Variants in FBLN7 observed in about 807,000 individuals in gnomAD.
FBLN7 encodes fibulin-7.
In FBLN7, 31 loss-of-function variants were observed where a neutral mutation model predicts 44.0. The observed-to-expected ratio is 0.70, with a 90% confidence interval of 0.53 to 0.95. The LOEUF is 0.95. Ranked by LOEUF, FBLN7 falls within the 40% of genes least tolerant of loss-of-function variation. The pLI is 0.00. For missense variants in FBLN7, 573 were observed against 618.5 expected, an observed-to-expected ratio of 0.93 and a Z score of 0.78; for synonymous variants, 262 against 253.4, an observed-to-expected ratio of 1.03 and a Z score of -0.32.
the FBLN7 span, among the ~76,000 whole-genome samples, chr2:112,230,537 C>T: frequency 6.6e-6 from 1 of 152,210 alleles, no homozygotes; most frequent in Admixed American, 6.5e-5. Context: ...CATGCATCTA[C>T]ACGAATGAAT....
rs146083639 is a variant in FBLN7, at chr2:112,165,022, C to A, written c.257C>A (p.Thr86Asn). 4.5e-4 allele frequency: 730 copies of A among 1,614,132 alleles called. 3 individuals carry two copies. Among genetic ancestry groups the A allele is most frequent in the Middle Eastern group, 3.3e-4 (2 of 6,060 alleles). The change falls in exon 3 of 8, where the codon ACC (threonine) becomes AAC (asparagine). Residue 86 changes from threonine to asparagine, a missense_variant. By Grantham distance (65) the Thr-to-Asn change is moderately conservative. Coordinates refer to ENST00000331203, the MANE Select transcript of FBLN7 (RefSeq NM_153214.3). ...ACAGTTTCCTGCCCGGCTCTGAACA[C>A]CCCCGCAGACGGCAGAAAGTTTGGA... ...ALPVSCPALN[T>N]PADGRKFGSK...
chr2:112,236,330 G>A, the FBLN7 span, among the ~76,000 whole-genome samples: 1 of 152,136 alleles, frequency 6.6e-6, no homozygotes, highest in African/African-American at 2.4e-5. Flanking sequence ...CAGTGAGAAC[G>A]CTAAGGCTTA....
intron 3 of FBLN7, among the ~76,000 whole-genome samples, chr2:112,171,373 T>A (rs1174543528): frequency 6.6e-6 from 1 of 151,932 alleles, no homozygotes; most frequent in Non-Finnish European, 1.5e-5. Flanking sequence ...AGAGGCAGAC[T>A]TCGGGGAGGC....
At position 112,160,846 on chromosome 2, in the gene FBLN7, G is replaced by GCA. The variant is rs1386081512; in HGVS notation, c.235+1012_235+1013insAC. Reference sequence around the variant, plus strand: ...CAAGCACGCATACACGCACGCACACGCGCACACACACACACACACACTCAG... The same window carrying GCA: ...CAAGCACGCATACACGCACGCACACGCACGCACACACACACACACACACTCAG... On this transcript the variant is annotated intron_variant, in intron 2 of 7. Transcript: ENST00000331203. 2.9e-4 allele frequency among the ~76,000 whole-genome samples: 31 copies of GCA among 105,366 alleles called. 1 individual carries two copies. The highest frequency in any genetic ancestry group is 1.2e-3 in the African/African-American group (31 of 25,618). The allele number at this position is 105,366 out of a possible 152,430, so 69.1% of individuals were successfully genotyped here. A position where few individuals can be genotyped will look rare whatever the true frequency, so the allele number is the denominator to read the frequency against.
chr2:112,243,905 A>T, the FBLN7 span, among the ~76,000 whole-genome samples: 1 of 152,114 alleles, frequency 6.6e-6, no homozygotes, highest in African/African-American at 2.4e-5. Context: ...GATATTAAAA[A>T]ATATATTCAA....
At chr2:112,217,627 T>TA in the FBLN7 span, among the ~76,000 whole-genome samples, 4 of 152,230 alleles carry the variant, frequency 2.6e-5, no homozygotes, top group African/African-American at 9.6e-5. Flanking sequence ...AGAGTGTTTT[T>TA]AAAAAGTTAC....
At chr2:112,197,268 CACACACAGAGAGAGAGAG>C in the FBLN7 span, among the ~76,000 whole-genome samples, 1 of 128,808 alleles carries the variant, frequency 7.8e-6, no homozygotes, top group African/African-American at 3.1e-5. Flanking sequence ...CACACACACA[CACACACAGAGAGAGAGAG>C]AGAGAGAGAG....
the FBLN7 span, among the ~76,000 whole-genome samples, chr2:112,241,375 C>T: frequency 6.6e-6 from 1 of 152,070 alleles, no homozygotes; most frequent in African/African-American, 2.4e-5. Context: ...GGGAGCAACC[C>T]CTACTAGAAA....
the FBLN7 span, among the ~76,000 whole-genome samples, chr2:112,197,270 CACACAGAGAGAG>C: frequency 0.013 from 1,696 of 126,128 alleles, 9 homozygotes; most frequent in Non-Finnish European, 0.019. Context: ...CACACACACA[CACACAGAGAGAG>C]AGAGAGAGAG....
At chr2:112,235,161 G>A in the FBLN7 span, among the ~76,000 whole-genome samples, 4 of 152,130 alleles carry the variant, frequency 2.6e-5, no homozygotes, top group East Asian at 5.8e-4. Context: ...CCAAATTTTT[G>A]CATACAGTTT....
chr2:112,194,380 T>G, the FBLN7 span, among the ~76,000 whole-genome samples: 3 of 152,184 alleles, frequency 2.0e-5, no homozygotes, highest in Non-Finnish European at 2.9e-5. Context: ...AGTGACCCAT[T>G]TGAGTCTGAC....
the FBLN7 span, among the ~76,000 whole-genome samples, chr2:112,194,882 C>T: frequency 2.6e-5 from 4 of 152,170 alleles, no homozygotes; most frequent in African/African-American, 9.7e-5. Flanking sequence ...GAAGTAAGAT[C>T]TCCACATCTG....
At chr2:112,141,578 C>G (rs1451119692) in intron 1 of FBLN7, among the ~76,000 whole-genome samples, 2 of 152,202 alleles carry the variant, frequency 1.3e-5, no homozygotes, top group Non-Finnish European at 2.9e-5. Context: ...CTAAACCCAC[C>G]CAACAGAGCA....
the FBLN7 span, among the ~76,000 whole-genome samples, chr2:112,198,642 AGAAAG>A: frequency 3.2e-3 from 157 of 49,272 alleles, 1 homozygote; most frequent in South Asian, 0.012. Context: ...TCAAAAAAAA[AGAAAG>A]AAAGAAAGAA....
At chr2:112,197,291 A>G in the FBLN7 span, among the ~76,000 whole-genome samples, 3 of 148,416 alleles carry the variant, frequency 2.0e-5, no homozygotes, top group African/African-American at 7.8e-5. Context: ...AGAGAGAGAG[A>G]GAGAGAGAGA....
At chr2:112,157,708 C>A (rs1159726122) in intron 1 of FBLN7, among the ~76,000 whole-genome samples, 1 of 152,204 alleles carries the variant, frequency 6.6e-6, no homozygotes, top group African/African-American at 2.4e-5. Flanking sequence ...ACTGCAGCCT[C>A]AACCTCCCAG....
rs565793622 is a variant in FBLN7, at chr2:112,138,443, C to T, written c.-213C>T. On this transcript the variant is annotated 5_prime_UTR_variant, in exon 1 of 8. Coordinates refer to ENST00000331203, the MANE Select transcript of FBLN7 (RefSeq NM_153214.3). ...GCGGACTGTCTCGTGCGGGCAGCTG[C>T]GGGCGCACCTGGACCCTCGCAAGGC... 6.7e-6 allele frequency: 2 copies of T among 299,374 alleles called. No individual in the cohort carries two copies. Among genetic ancestry groups the T allele is most frequent in the East Asian group, 9.4e-5 (1 of 10,672 alleles). The allele number at this position is 299,374 out of a possible 1,614,324, so 18.5% of individuals were successfully genotyped here.
chr2:112,201,846 T>G, the FBLN7 span, among the ~76,000 whole-genome samples: 1 of 152,208 alleles, frequency 6.6e-6, no homozygotes, highest in African/African-American at 2.4e-5. Context: ...CTAACTGAGT[T>G]CAGCTACATG....
chr2:112,235,007 C>T, the FBLN7 span, among the ~76,000 whole-genome samples: 1 of 151,884 alleles, frequency 6.6e-6, no homozygotes, highest in African/African-American at 2.4e-5. Flanking sequence ...ACTAGAAATA[C>T]ACCGTCAAAG....
Sources: gnomAD v4.1 joint callset for allele counts (sites outside exome capture counted in the v4.1 genomes callset) on GRCh38, gnomAD v4.1.1 for gene constraint, MANE v1.5 for transcripts, NCBI Gene and HGNC (gene_info 2026-07-23, HGNC 2026-07-21) for gene names.